MTMR7: variants seen among roughly 807,000 people sequenced by gnomAD.
The protein encoded by MTMR7 is myotubularin related protein 7, also known as phosphatidylinositol-3-phosphate phosphatase MTMR7.
Under a neutral mutation model 81.2 loss-of-function variants are expected in MTMR7, and 76 were observed. The ratio of observed to expected loss-of-function variants is 0.94; its 90% confidence interval spans 0.78 to 1.13. MTMR7 has a LOEUF of 1.13. MTMR7 is among the 50% of genes most tolerant of loss of function. MTMR7 has a pLI of 0.00. For synonymous variants in MTMR7, 372 were observed against 289.8 expected, an observed-to-expected ratio of 1.28 and a Z score of -2.88; for missense variants, 1,044 against 820.0, an observed-to-expected ratio of 1.27 and a Z score of -3.34.
At chr8:17,406,537 G>A (rs1357815621) in intron 1 of MTMR7, among the ~76,000 whole-genome samples, 1 of 152,118 alleles carries the variant, frequency 6.6e-6, no homozygotes, top group Admixed American at 6.6e-5. Context: ...TTATTGTCGG[G>A]GTTCTGAAAT....
In MTMR7 at chr8:17,397,674, C is replaced by G. The variant is rs116875425; in HGVS notation, c.24+15595G>C. Among the ~76,000 whole-genome samples, 105 of 152,304 alleles carry G rather than the reference C, an allele frequency of 6.9e-4. No homozygotes were observed. In the East Asian group the frequency reaches 8.7e-3, roughly 13 times the overall value. On this transcript the variant is annotated intron_variant, in intron 1 of 13. Transcript: ENST00000180173. ...CCACCCTGAAGGGAAGGACACATGC[C>G]TAACTGGCTTCTCCACCTGCTAATG... is the stretch of plus-strand genomic sequence containing the variant.
At chr8:17,412,593 T>C (rs1821765405) in intron 1 of MTMR7, among the ~76,000 whole-genome samples, 1 of 152,190 alleles carries the variant, frequency 6.6e-6, no homozygotes, top group African/African-American at 2.4e-5. Context: ...TTTGCTTTTG[T>C]TAATTAGCAA....
chr8:17,402,288 T>C (rs1821450111), intron 1 of MTMR7, among the ~76,000 whole-genome samples: 1 of 152,164 alleles, frequency 6.6e-6, no homozygotes, highest in Non-Finnish European at 1.5e-5. Context: ...TAAATTATTA[T>C]TATTTATTAA....
At chr8:17,302,367 C>CTTAGA in intron 12 of MTMR7, 87 bp from the exon 13 acceptor site, 1 of 1,419,234 alleles carries the variant, frequency 7.0e-7, no homozygotes, top group South Asian at 1.4e-5. Context: ...TCTATGATAC[C>CTTAGA]ACAGTCTTAA....
At chr8:17,308,617 G>C (rs949334251) in intron 10 of MTMR7, among the ~76,000 whole-genome samples, 2 of 152,150 alleles carry the variant, frequency 1.3e-5, no homozygotes, top group Non-Finnish European at 1.5e-5. Context: ...ACTAAGTACA[G>C]CTATACCATT....
rs201322963 is a variant in MTMR7, at chr8:17,333,289, TAAG to T, written c.733-2010_733-2008del. Among the ~76,000 whole-genome samples the T allele has an allele frequency of 5.4e-3, 827 of 152,366 alleles. 7 individuals carry two copies. The highest frequency in any genetic ancestry group is 7.9e-3 in the Admixed American group (121 of 15,304). On this transcript the variant is annotated intron_variant, in intron 6 of 13. Coordinates refer to ENST00000180173, the MANE Select transcript of MTMR7 (RefSeq NM_004686.5). Reference sequence around the variant, plus strand: ...TTTAAGACAACTTATGTTCACACTTTAAGAAGTATAAATATTTTATAGGGAAAA... The same window carrying T: ...TTTAAGACAACTTATGTTCACACTTTAAGTATAAATATTTTATAGGGAAAA...
intron 6 of MTMR7, among the ~76,000 whole-genome samples, chr8:17,338,416 C>A (rs2150539324): frequency 6.6e-6 from 1 of 152,236 alleles, no homozygotes; most frequent in Non-Finnish European, 1.5e-5. Context: ...TTATTTAAAT[C>A]TGAAAAAAAC....
chr8:17,330,531 A>AT (rs1257057578), intron 7 of MTMR7, among the ~76,000 whole-genome samples: 1 of 152,278 alleles, frequency 6.6e-6, no homozygotes, highest in African/African-American at 2.4e-5. Context: ...GCTCATCAGC[A>AT]TATGGCTGGT....
chr8:17,402,096 A>T (rs182105716), intron 1 of MTMR7, among the ~76,000 whole-genome samples: 3,323 of 152,182 alleles, frequency 0.022, 63 homozygotes, highest in Non-Finnish European at 0.035. Flanking sequence ...ATTTTTAAAA[A>T]TTTTTTTAAC....
intron 4 of MTMR7, among the ~76,000 whole-genome samples, chr8:17,354,009 G>C (rs2150551782): frequency 6.6e-6 from 1 of 152,306 alleles, no homozygotes; most frequent in South Asian, 2.1e-4. Flanking sequence ...TGTTAACCAA[G>C]TTAGAATCTT....
Position 17,305,767 on chromosome 8 carries a change from G to T in MTMR7, c.1342C>A (p.Arg448=), listed in dbSNP as rs371072993. Reference sequence around the variant, plus strand: ...CACCAAAACACTTACTTGAGTTCTCGTCTCTCCTTTTGGCTGTTACATAGG... The same window carrying T: ...CACCAAAACACTTACTTGAGTTCTCTTCTCTCCTTTTGGCTGTTACATAGG... ...NFLCNSQKER[R]ELKIQERTYS... The change falls in exon 11 of 14, where the codon CGA becomes AGA. Residue 448 remains arginine, a synonymous_variant. Coordinates refer to ENST00000180173, the MANE Select transcript of MTMR7 (RefSeq NM_004686.5). 1.2e-6 allele frequency: 2 copies of T among 1,609,890 alleles called. No homozygotes were observed. The highest frequency in any genetic ancestry group is 1.3e-5 in the African/African-American group (1 of 74,782).
rs36217265 is a variant in MTMR7, at chr8:17,364,021, A to ATTTTTTTT, written c.311-2755_311-2748dup. ...TTCTGGGGTAAAAAGTGTTGCTATT[A>ATTTTTTTT]TTTTTTTTTTTTTTTTTTTTTTTTT... On this transcript the variant is annotated intron_variant, in intron 3 of 13. Coordinates refer to ENST00000180173, the MANE Select transcript of MTMR7 (RefSeq NM_004686.5). 2.8e-5 allele frequency among the ~76,000 whole-genome samples: 2 copies of ATTTTTTTT among 71,056 alleles called. 1 individual carries two copies. Among genetic ancestry groups the ATTTTTTTT allele is most frequent in the African/African-American group, 9.3e-5 (2 of 21,428 alleles). The allele number at this position is 71,056 out of a possible 152,430, so 46.6% of individuals were successfully genotyped here. A position where few individuals can be genotyped will look rare whatever the true frequency, so the allele number is the denominator to read the frequency against.
intron 6 of MTMR7, 148 bp downstream of exon 6, chr8:17,341,215 C>A (rs763729478): frequency 6.2e-6 from 6 of 962,266 alleles, no homozygotes; most frequent in Non-Finnish European, 9.1e-6. Context: ...AAGTAGCCAG[C>A]AGGGTGCCCA....
chr8:17,312,673 C>T (rs1244201508), intron 8 of MTMR7, among the ~76,000 whole-genome samples: 1 of 151,492 alleles, frequency 6.6e-6, no homozygotes, highest in Non-Finnish European at 1.5e-5. Flanking sequence ...CACATCACAT[C>T]TGTAAAATCT....
chr8:17,408,658 G>A (rs1175054600), intron 1 of MTMR7, among the ~76,000 whole-genome samples: 4 of 152,096 alleles, frequency 2.6e-5, no homozygotes, highest in Non-Finnish European at 5.9e-5. Context: ...ATTAAATAGT[G>A]GATGGTACCA....
chr8:17,385,532 T>C (rs938874789), intron 1 of MTMR7, among the ~76,000 whole-genome samples: 2 of 152,196 alleles, frequency 1.3e-5, no homozygotes, highest in African/African-American at 4.8e-5. Context: ...TGCCTTCGTC[T>C]TCCGCCACGA....
chr8:17,345,634 T>C (rs558109570), intron 5 of MTMR7, among the ~76,000 whole-genome samples: 10 of 152,330 alleles, frequency 6.6e-5, no homozygotes, highest in African/African-American at 2.4e-4. Flanking sequence ...CCATTAAAAG[T>C]AATGGCAAAA....
At chr8:17,390,180 G>C (rs114957803) in intron 1 of MTMR7, among the ~76,000 whole-genome samples, 1 of 151,894 alleles carries the variant, frequency 6.6e-6, no homozygotes, top group Non-Finnish European at 1.5e-5. Context: ...TAATCGGCTC[G>C]TGGTTCTGCA....
At position 17,305,964 on chromosome 8, in the gene MTMR7, A is replaced by T. The variant is rs1817425287; in HGVS notation, c.1152-7T>A. 6.2e-7 allele frequency: 1 copy of T among 1,606,116 alleles called. No homozygotes were observed. The highest frequency in any genetic ancestry group is 8.5e-7 in the Non-Finnish European group (1 of 1,174,684). Reference sequence around the variant, plus strand: ...ACCATCTAGATTGCCATATCTATAAAACAAAGCATTAGAGACTTTTTAAGG... The same window carrying T: ...ACCATCTAGATTGCCATATCTATAATACAAAGCATTAGAGACTTTTTAAGG... On this transcript the variant is annotated splice_region_variant and splice_polypyrimidine_tract_variant and intron_variant, in intron 10 of 13. Coordinates refer to ENST00000180173, the MANE Select transcript of MTMR7 (RefSeq NM_004686.5).
Sources: allele counts gnomAD v4.1 joint callset (sites outside exome capture counted in the v4.1 genomes callset), GRCh38; gene constraint gnomAD v4.1.1; transcripts MANE v1.5; gene names NCBI Gene and HGNC (gene_info 2026-07-23, HGNC 2026-07-21).